The following CSMD2 variants were observed in gnomAD, a reference collection of about 807,000 sequenced individuals.
CSMD2 encodes the protein CUB and Sushi multiple domains 2.
CSMD2 carries 130 observed loss-of-function variants against 398.5 expected under a neutral mutation model. The ratio of observed to expected loss-of-function variants is 0.33; its 90% CI spans 0.28 to 0.38. The LOEUF (loss-of-function observed/expected upper bound fraction) is 0.38. CSMD2 is among the 10% of genes least tolerant of loss of function. CSMD2 has a pLI of 1.00. For missense variants in CSMD2, 3,829 were observed against 4,764.9 expected (o/e 0.80, Z 5.78); for synonymous variants, 1,828 against 1,908.5 (o/e 0.96, Z 1.10).
At chr1:34,082,288 T>C (rs541492177) in intron 2 of CSMD2, among the ~76,000 whole-genome samples, 39 of 147,822 alleles carry the variant, frequency 2.6e-4, no homozygotes, top group African/African-American at 9.1e-4. Context: ...GGCTGCCCCG[T>C]CTGAGAAGTG....
At chr1:33,910,331 C>A (rs149838561) in intron 5 of CSMD2, among the ~76,000 whole-genome samples, 71 of 152,300 alleles carry the variant, frequency 4.7e-4, no homozygotes, top group African/African-American at 1.6e-3. Flanking sequence ...ACTTGCAATG[C>A]CCCAAATGCA....
chr1:33,678,986 G>A (rs141786435), intron 25 of CSMD2, among the ~76,000 whole-genome samples: 1 of 152,132 alleles, frequency 6.6e-6, no homozygotes, highest in Admixed American at 6.6e-5. Context: ...TCCCTCTAAC[G>A]TGCTGGGTGA....
chr1:34,029,693 A>G (rs547064753), intron 3 of CSMD2, among the ~76,000 whole-genome samples: 208 of 152,318 alleles, frequency 1.4e-3, no homozygotes, highest in Non-Finnish European at 1.7e-3. Flanking sequence ...ATGCAGTACA[A>G]AACAGCCAGC....
chr1:33,642,000 T>A (rs1643134723), intron 29 of CSMD2, among the ~76,000 whole-genome samples: 2 of 152,174 alleles, frequency 1.3e-5, no homozygotes, highest in Admixed American at 1.3e-4. Flanking sequence ...TTAAGCCTGT[T>A]CCCTCAGATG....
intron 12 of CSMD2, 140 bp from the exon 13 acceptor site, chr1:33,772,891 T>C (rs1442883051): frequency 4.4e-6 from 3 of 680,394 alleles, no homozygotes; most frequent in African/African-American, 1.8e-5. Flanking sequence ...TTCAACGTTC[T>C]TATAAGGAAT....
Position 33,518,385 on chromosome 1 carries a change from G to A in CSMD2, c.*53+1080C>T, listed in dbSNP as rs1382561760. On this transcript the variant is annotated intron_variant, in intron 70 of 70. Transcript: ENST00000373381. This position sits in a 1 kb window ranked among gnomAD's most constrained non-coding sequence, Gnocchi z 4.3. The stretch of plus-strand genomic sequence containing the variant: ...CAGATGCATGCCTGTGTGCATGTAT[G>A]CGTATGTGTGTGTGTGTGTGTGCAT... Among the ~76,000 whole-genome samples the A allele has an allele frequency of 1.3e-5, 1 of 75,266 alleles. No homozygotes were observed. The highest frequency in any genetic ancestry group is 2.7e-5 in the Non-Finnish European group (1 of 36,956). 49.4% of individuals were successfully genotyped at this position (75,266 alleles called of 152,430 possible).
Position 33,559,536 on chromosome 1 carries a change from A to T in CSMD2, c.8381-63T>A, listed in dbSNP as rs41265913. The T allele has an allele frequency of 0.017, 23,897 of 1,414,528 alleles. 759 individuals carry two copies. The highest frequency in any genetic ancestry group is 0.15 in the Admixed American group (7,258 of 49,952). 87.6% of individuals were successfully genotyped at this position (1,414,528 alleles called of 1,614,324 possible). On this transcript the variant is annotated intron_variant, in intron 53 of 70. Coordinates refer to ENST00000373381, the MANE Select transcript of CSMD2 (RefSeq NM_001281956.2). This position sits in a 1 kb window ranked among gnomAD's most constrained non-coding sequence, Gnocchi z 4.0. ...ATTCCACACCCCTCAGAATTTATCC[A>T]CCTCTCACCTGGCATCTCTTAGGCC...
In CSMD2 at chr1:33,960,143, G is replaced by A. The variant is rs1645305703; in HGVS notation, c.518-24189C>T. On this transcript the variant is annotated intron_variant, in intron 3 of 70. Transcript: ENST00000373381. ...CCATCCCTGGTGCCTCCAGGGCTGTGCTGACTGTCGTCTTCCAACTCAAGC... is the reference window on the plus strand; with the variant it reads ...CCATCCCTGGTGCCTCCAGGGCTGTACTGACTGTCGTCTTCCAACTCAAGC... Among the ~76,000 whole-genome samples, 4 of 152,152 alleles carry A rather than the reference G, an allele frequency of 2.6e-5. No individual in the cohort carries two copies. In the South Asian group the frequency reaches 8.3e-4, roughly 32 times the overall value.
chr1:33,631,923 C>A (rs1442261746), intron 32 of CSMD2, among the ~76,000 whole-genome samples: 6 of 151,756 alleles, frequency 4.0e-5, no homozygotes, highest in Admixed American at 3.9e-4. Context: ...ACTTATAGTA[C>A]CATGTATTTA....
intron 37 of CSMD2, among the ~76,000 whole-genome samples, chr1:33,620,921 A>T (rs1249160556): frequency 2.7e-5 from 4 of 148,350 alleles, no homozygotes; most frequent in African/African-American, 5.0e-5. Context: ...CATTTGTTTC[A>T]CAGACCCAGA....
intron 2 of CSMD2, among the ~76,000 whole-genome samples, chr1:34,060,014 C>G (rs998033421): frequency 6.6e-6 from 1 of 152,206 alleles, no homozygotes; most frequent in Non-Finnish European, 1.5e-5. Context: ...CGATTGGCTC[C>G]TTGGATTTCA....
chr1:34,013,655 C>A (rs1399670215), intron 3 of CSMD2, among the ~76,000 whole-genome samples: 3 of 152,126 alleles, frequency 2.0e-5, no homozygotes, highest in Admixed American at 1.3e-4. Flanking sequence ...GCTGCAAGAA[C>A]CAGAAACAGA....
intron 5 of CSMD2, among the ~76,000 whole-genome samples, chr1:33,852,648 C>G (rs1201849717): frequency 6.6e-6 from 1 of 152,246 alleles, no homozygotes. Context: ...CCAAATTGTA[C>G]TCATCTTTTG....
intron 3 of CSMD2, among the ~76,000 whole-genome samples, chr1:33,987,325 T>C (rs1428905960): frequency 1.3e-5 from 2 of 152,198 alleles, no homozygotes; most frequent in South Asian, 2.1e-4. Flanking sequence ...CTATGTGCTA[T>C]ACACATACCA....
intron 13 of CSMD2, among the ~76,000 whole-genome samples, chr1:33,761,412 T>C (rs1019210010): frequency 4.6e-5 from 7 of 152,206 alleles, no homozygotes; most frequent in African/African-American, 1.4e-4. Flanking sequence ...CCAGCTAAGG[T>C]TAGCTTCAGC....
chr1:33,968,593 G>A (rs968104449), intron 3 of CSMD2, among the ~76,000 whole-genome samples: 1 of 152,176 alleles, frequency 6.6e-6, no homozygotes, highest in African/African-American at 2.4e-5. Flanking sequence ...GGGATGAAAG[G>A]GCTGCCTCTA....
chr1:33,847,384 A>G (rs1352224028), intron 5 of CSMD2, among the ~76,000 whole-genome samples: 1 of 151,808 alleles, frequency 6.6e-6, no homozygotes, highest in Non-Finnish European at 1.5e-5. Context: ...GACTTTGGGA[A>G]GCCCCTTAAG....
intron 5 of CSMD2, among the ~76,000 whole-genome samples, chr1:33,909,523 TTG>T (rs1420563583): frequency 1.3e-5 from 2 of 152,084 alleles, no homozygotes; most frequent in African/African-American, 4.8e-5. Flanking sequence ...GGCAGAGGCC[TTG>T]TCTTCTCCAC....
Position 33,537,065 on chromosome 1 carries a change from C to A in CSMD2, c.9836G>T (p.Gly3279Val), listed in dbSNP as rs918531853. 1 of 1,614,192 alleles carries A rather than the reference C, an allele frequency of 6.2e-7. No individual in the cohort carries two copies. The highest frequency in any genetic ancestry group is 1.7e-5 in the Admixed American group (1 of 60,036). The change falls in exon 62 of 71, where the codon GGT becomes GTT. Residue 3279 changes from glycine (G) to valine (V), a missense_variant. By Grantham distance (109) the Gly-to-Val change is moderately radical. Around this residue, in one of 5 missense-constraint regions of CSMD2, gnomAD observed 917 missense variants for 1,199.5 expected, o/e 0.76. Coordinates refer to ENST00000373381, the MANE Select transcript of CSMD2 (RefSeq NM_001281956.2). The surrounding 1 kb of genome is among the most constrained non-coding windows in gnomAD (Gnocchi z 4.6). ...GTTCTGTATCCCAAACTGTGGCACACCAGGGTCCGCACACGTGGTCAGGGT... is the reference window on the plus strand; with the variant it reads ...GTTCTGTATCCCAAACTGTGGCACAACAGGGTCCGCACACGTGGTCAGGGT... ...DPTLTTCADP[G>V]VPQFGIQNNS...
Sources: allele counts gnomAD v4.1 joint callset (sites outside exome capture counted in the v4.1 genomes callset), GRCh38; gene constraint gnomAD v4.1.1; regional missense constraint gnomAD v4.1.1; non-coding constraint Gnocchi (gnomAD v3.1); transcripts MANE v1.5; gene names NCBI Gene and HGNC (gene_info 2026-07-23, HGNC 2026-07-21).